Variants in TMEM163 observed in about 807,000 individuals in gnomAD.
The protein encoded by TMEM163 is transmembrane protein 163.
In TMEM163, 17 loss-of-function variants were observed where a neutral mutation model predicts 29.3. The ratio of observed to expected loss-of-function variants is 0.58; its 90% CI spans 0.40 to 0.87. The LOEUF (loss-of-function observed/expected upper bound fraction) is 0.87. Among genes scored for constraint, TMEM163 ranks in the 40% least tolerant of loss-of-function variants. The pLI is 0.00. For missense variants in TMEM163, 303 were observed against 381.5 expected (o/e 0.79, Z 1.71); for synonymous variants, 157 against 160.6 (o/e 0.98, Z 0.17).
chr2:134,470,938 G>C (rs1289209229), intron 5 of TMEM163, among the ~76,000 whole-genome samples: 2 of 152,210 alleles, frequency 1.3e-5, no homozygotes, highest in Non-Finnish European at 2.9e-5. Context: ...TTGAGAGGCC[G>C]AGGCGGGAAG....
At chr2:134,524,986 A>C (rs987794663) in intron 4 of TMEM163, among the ~76,000 whole-genome samples, 2 of 151,970 alleles carry the variant, frequency 1.3e-5, no homozygotes, top group African/African-American at 4.8e-5. Flanking sequence ...GTTCCTACCA[A>C]CAGTGTAATA....
At chr2:134,529,611 G>T (rs993247549) in intron 4 of TMEM163, among the ~76,000 whole-genome samples, 6 of 151,776 alleles carry the variant, frequency 4.0e-5, no homozygotes, top group Admixed American at 1.3e-4. Flanking sequence ...AAATTGGCCG[G>T]GCATGGTGGT....
chr2:134,691,976 G>A (rs190808136), intron 2 of TMEM163, among the ~76,000 whole-genome samples: 1 of 152,292 alleles, frequency 6.6e-6, no homozygotes, highest in East Asian at 1.9e-4. Flanking sequence ...ATTAATTTCA[G>A]AACCGTAGCA....
At chr2:134,633,556 T>C (rs1683027527) in intron 2 of TMEM163, among the ~76,000 whole-genome samples, 1 of 152,154 alleles carries the variant, frequency 6.6e-6, no homozygotes, top group Non-Finnish European at 1.5e-5. Flanking sequence ...GTCCACAATT[T>C]AGTTCACAAA....
At position 134,633,999 on chromosome 2, in the gene TMEM163, AT is replaced by A. The variant is rs1558971830; in HGVS notation, c.322+79200del. On this transcript the variant is annotated intron_variant, in intron 2 of 7. Coordinates refer to ENST00000281924, the MANE Select transcript of TMEM163 (RefSeq NM_030923.5). ...TATATATATATATATATATATATAT[AT>A]ATATATATATATATATATATAATAG... 1.8e-3 allele frequency among the ~76,000 whole-genome samples: 48 copies of A among 26,568 alleles called. 2 individuals are homozygous for A. The highest frequency in any genetic ancestry group is 6.8e-3 in the African/African-American group (39 of 5,700). 17.4% of individuals were successfully genotyped at this position (26,568 alleles called of 152,430 possible).
At chr2:134,600,494 C>T (rs1238159706) in intron 2 of TMEM163, among the ~76,000 whole-genome samples, 2 of 152,184 alleles carry the variant, frequency 1.3e-5, no homozygotes, top group Non-Finnish European at 2.9e-5. Context: ...AGAGTTTTAT[C>T]TACTTAGCTA....
intron 2 of TMEM163, among the ~76,000 whole-genome samples, chr2:134,602,671 T>A (rs960100096): frequency 2.0e-5 from 3 of 152,156 alleles, no homozygotes; most frequent in Non-Finnish European, 4.4e-5. Flanking sequence ...AAAAGGAGAA[T>A]GAAAATGTCC....
At position 134,627,732 on chromosome 2, in the gene TMEM163, C is replaced by T. The variant is rs142977598; in HGVS notation, c.323-75641G>A. Among the ~76,000 whole-genome samples, 727 of 152,216 alleles carry T rather than the reference C, an allele frequency of 4.8e-3. 5 individuals carry two copies. The highest frequency in any genetic ancestry group is 0.015 in the African/African-American group (621 of 41,540). On this transcript the variant is annotated intron_variant, in intron 2 of 7. Coordinates refer to ENST00000281924, the MANE Select transcript of TMEM163 (RefSeq NM_030923.5). ...AAAATATGTACTGCCTGGTCCTTTA[C>T]AGAAAAAGTTATTCCTATGAAATGT...
intron 6 of TMEM163, among the ~76,000 whole-genome samples, chr2:134,462,835 G>A (rs1188617500): frequency 6.6e-6 from 1 of 152,232 alleles, no homozygotes; most frequent in Non-Finnish European, 1.5e-5. Context: ...GGGGGGTCAA[G>A]TCCCATGGTC....
chr2:134,462,587 ACCT>A (rs1228564313), intron 6 of TMEM163, among the ~76,000 whole-genome samples: 1 of 151,814 alleles, frequency 6.6e-6, no homozygotes, highest in Non-Finnish European at 1.5e-5. Context: ...CTTTGTAATG[ACCT>A]CCTCCCTGGT....
At chr2:134,702,492 A>T (rs1025089247) in intron 2 of TMEM163, among the ~76,000 whole-genome samples, 13 of 152,174 alleles carry the variant, frequency 8.5e-5, no homozygotes, top group African/African-American at 2.9e-4. Flanking sequence ...AAAAAATTCC[A>T]AAATTAGCCG....
intron 2 of TMEM163, among the ~76,000 whole-genome samples, chr2:134,596,074 C>G (rs1682073788): frequency 6.6e-6 from 1 of 152,216 alleles, no homozygotes; most frequent in Admixed American, 6.5e-5. Flanking sequence ...CCGGTTCACT[C>G]TGATGGTAGT....
At chr2:134,570,153 TAAGGA>T (rs1681386525) in intron 2 of TMEM163, among the ~76,000 whole-genome samples, 1 of 151,382 alleles carries the variant, frequency 6.6e-6, no homozygotes, top group South Asian at 2.1e-4. Context: ...AAGTTGTTAA[TAAGGA>T]AAGAAAAAAA....
At chr2:134,669,203 C>T (rs559289200) in intron 2 of TMEM163, among the ~76,000 whole-genome samples, 1 of 152,316 alleles carries the variant, frequency 6.6e-6, no homozygotes, top group Admixed American at 6.5e-5. Context: ...AAATACGAAC[C>T]CTCTTGATAC....
chr2:134,676,960 A>T (rs1266947303), intron 2 of TMEM163, among the ~76,000 whole-genome samples: 1 of 152,140 alleles, frequency 6.6e-6, no homozygotes, highest in Non-Finnish European at 1.5e-5. Flanking sequence ...AAAATACAAG[A>T]GTCTGTACTG....
chr2:134,592,808 T>C (rs1455285248), intron 2 of TMEM163, among the ~76,000 whole-genome samples: 1 of 151,002 alleles, frequency 6.6e-6, no homozygotes, highest in South Asian at 2.1e-4. Context: ...TATAGATAGA[T>C]AGACTATCTC....
rs1199347361 is a variant in TMEM163, at chr2:134,655,564, C to T, written c.322+57636G>A. Among the ~76,000 whole-genome samples the T allele has an allele frequency of 4.7e-4, 66 of 141,544 alleles. 3 individuals are homozygous for T. The highest frequency in any genetic ancestry group is 7.8e-4 in the Non-Finnish European group (52 of 66,870). 92.9% of individuals were successfully genotyped at this position (141,544 alleles called of 152,430 possible). ...CTCTCAGCTTGTCAAAGTCATTCTCCATCCAGCTTTGTTCCGTTGCTGGTG... is the reference window on the plus strand; with the variant it reads ...CTCTCAGCTTGTCAAAGTCATTCTCTATCCAGCTTTGTTCCGTTGCTGGTG... On this transcript the variant is annotated intron_variant, in intron 2 of 7. Transcript: ENST00000281924.
intron 2 of TMEM163, among the ~76,000 whole-genome samples, chr2:134,568,715 C>G (rs921525466): frequency 7.4e-5 from 11 of 148,460 alleles, no homozygotes; most frequent in South Asian, 4.3e-4. Flanking sequence ...AAGAAAGAAA[C>G]AAACAAAGAA....
intron 2 of TMEM163, among the ~76,000 whole-genome samples, chr2:134,602,600 A>C (rs1682260647): frequency 6.6e-6 from 1 of 152,190 alleles, no homozygotes; most frequent in Non-Finnish European, 1.5e-5. Context: ...ATCTCTACAG[A>C]GGAGATAAAG....
Sources: allele counts gnomAD v4.1 joint callset (sites outside exome capture counted in the v4.1 genomes callset), GRCh38; gene constraint gnomAD v4.1.1; transcripts MANE v1.5; gene names NCBI Gene and HGNC (gene_info 2026-07-23, HGNC 2026-07-21).